PDS5A: variants seen among roughly 807,000 people sequenced by gnomAD.
PDS5A encodes PDS5 cohesin associated factor A.
PDS5A carries 42 observed loss-of-function variants against 167.1 expected under a neutral mutation model. The ratio of observed to expected loss-of-function variants is 0.25; its 90% CI spans 0.20 to 0.33. The LOEUF (loss-of-function observed/expected upper bound fraction) is 0.33. Ranked by LOEUF, PDS5A falls within the 10% of genes least tolerant of loss-of-function variation. The pLI, the probability that PDS5A is intolerant of heterozygous loss-of-function variation, is 1.00. For missense variants in PDS5A, 1,033 were observed against 1,605.9 expected (o/e 0.64, Z 6.10); for synonymous variants, 553 against 554.6 (o/e 1.00, Z 0.04).
intron 17 of PDS5A, 116 bp downstream of exon 17, chr4:39,890,133 A>ATTT (rs1348132141): frequency 1.0e-5 from 6 of 592,074 alleles, no homozygotes; most frequent in Non-Finnish European, 1.8e-5. Context: ...CAACCCTGTG[A>ATTT]TTAAAAAGAG....
intron 2 of PDS5A, among the ~76,000 whole-genome samples, chr4:39,964,567 G>A (rs901448890): frequency 5.9e-5 from 9 of 152,112 alleles, no homozygotes; most frequent in African/African-American, 1.9e-4. Flanking sequence ...TACATGGTGG[G>A]GTTTTGCGCC....
At chr4:39,971,861 T>TA (rs777200641) in intron 2 of PDS5A, among the ~76,000 whole-genome samples, 1 of 152,028 alleles carries the variant, frequency 6.6e-6, no homozygotes, top group Non-Finnish European at 1.5e-5. Context: ...AAGATTCTAA[T>TA]AAAAAAACAA....
At chr4:39,973,152 A>T (rs369839787) in intron 2 of PDS5A, 1 of 775,430 alleles carries the variant, frequency 1.3e-6, no homozygotes, top group African/African-American at 2.1e-5. Flanking sequence ...CACCAATGGC[A>T]CTGTTAACTG....
At chr4:39,967,475 G>A (rs1317926089) in intron 2 of PDS5A, among the ~76,000 whole-genome samples, 9 of 151,672 alleles carry the variant, frequency 5.9e-5, no homozygotes, top group Non-Finnish European at 7.4e-5. Flanking sequence ...GTGAAACCCC[G>A]TCTCTATTAA....
intron 2 of PDS5A, among the ~76,000 whole-genome samples, chr4:39,938,426 G>A (rs1165367942): frequency 4.0e-5 from 6 of 151,188 alleles, no homozygotes; most frequent in African/African-American, 1.2e-4. Context: ...GTGGTGGCAG[G>A]TGCCTGTAAT....
chr4:39,953,668 T>C (rs1728625095), intron 2 of PDS5A, among the ~76,000 whole-genome samples: 1 of 152,208 alleles, frequency 6.6e-6, no homozygotes, highest in African/African-American at 2.4e-5. Context: ...AAGTCAAGCC[T>C]GCAGTGAGCC....
rs775289479 is a variant in PDS5A at position 39,837,899 on chromosome 4, C to T, written c.3967G>A (p.Ala1323Thr). The T allele has an allele frequency of 6.2e-7, 1 of 1,612,224 alleles. No individual in the cohort carries two copies. The highest frequency in any genetic ancestry group is 1.1e-5 in the South Asian group (1 of 90,568). Residue 1323 changes from alanine to threonine, a missense_variant, in exon 32 of 33, where the codon GCC (alanine) becomes ACC (threonine). Transcript: ENST00000303538. Reference protein sequence around the residue: ...NAKAPKLQDLAKKAAPAERQI... With the variant: ...NAKAPKLQDLTKKAAPAERQI... ...CTTTCTGCTGGTGCTGCCTTTTTGG[C>T]TAAATCTTGCAGTTTGGGTGCTTTG...
At chr4:39,828,140 G>A (rs973421067) in intron 32 of PDS5A, among the ~76,000 whole-genome samples, 3 of 152,122 alleles carry the variant, frequency 2.0e-5, no homozygotes, top group African/African-American at 7.2e-5. Context: ...GTGAACTCAA[G>A]GAATTTTTGC....
At chr4:39,849,002 T>C in intron 27 of PDS5A, 32 bp from the exon 28 acceptor site, 1 of 1,436,518 alleles carries the variant, frequency 7.0e-7, no homozygotes, top group Non-Finnish European at 9.5e-7. Flanking sequence ...ATATAACTTT[T>C]AGTATTGCAA....
At chr4:39,836,810 CT>C (rs35685046) in intron 32 of PDS5A, among the ~76,000 whole-genome samples, 28,839 of 128,642 alleles carry the variant, frequency 0.22, 3,530 homozygotes, top group Middle Eastern at 0.34. Flanking sequence ...GCTTCAGTAA[CT>C]TTTTTTTTTT....
At chr4:39,976,708 T>C (rs924997149) in intron 1 of PDS5A, 91 bp from the exon 2 acceptor site, 1 of 621,844 alleles carries the variant, frequency 1.6e-6, no homozygotes, top group Non-Finnish European at 2.6e-6. Flanking sequence ...GAAAAGGCCC[T>C]GTCTCCCCAG....
rs71194933 is a variant in PDS5A at position 39,842,909 on chromosome 4, T to TTATATATATATATATATATATATATA, written c.3549-879_3549-854dup. 6.9e-3 allele frequency among the ~76,000 whole-genome samples: 637 copies of TTATATATATATATATATATATATATA among 92,098 alleles called. 27 individuals carry two copies. The highest frequency in any genetic ancestry group is 0.012 in the African/African-American group (211 of 18,146). The allele number at this position is 92,098 out of a possible 152,430, so 60.4% of individuals were successfully genotyped here. On this transcript the variant is annotated intron_variant, in intron 30 of 32. Coordinates refer to ENST00000303538, the MANE Select transcript of PDS5A (RefSeq NM_001100399.2). ...AGAACAATGTAAACTTATCCTATTT[T>TTATATATATATATATATATATATATA]TATATATATATATATATATATATAT...
chr4:39,890,411 T>G, intron 16 of PDS5A, 47 bp from the exon 17 acceptor site: 1 of 1,035,916 alleles, frequency 9.7e-7, no homozygotes, highest in Non-Finnish European at 1.4e-6. Context: ...TGCTTTCATA[T>G]TTTTGAAAAG....
chr4:39,937,411 T>A (rs2732053), intron 2 of PDS5A, among the ~76,000 whole-genome samples: 29,098 of 151,924 alleles, frequency 0.19, 3,291 homozygotes, highest in South Asian at 0.27. Flanking sequence ...CTATTAAAAA[T>A]TTTTTTTAAT....
chr4:39,863,801 C>T (rs537873823), intron 23 of PDS5A, among the ~76,000 whole-genome samples: 1 of 152,240 alleles, frequency 6.6e-6, no homozygotes, highest in African/African-American at 2.4e-5. Context: ...AGCTGTATCC[C>T]TCATTTTAAG....
chr4:39,873,061 T>G lies in PDS5A; in HGVS notation c.2361A>C (p.Ala787=). The change falls in exon 21 of 33, where the codon GCA becomes GCC. Residue 787 remains alanine (A), a synonymous_variant. Transcript: ENST00000303538. ...LVSLGHISML[A]PDQFASPMKS... is the part of the protein sequence containing the mutation. ...TCATTGGGGAAGCAAACTGATCTGG[T>G]GCTAACATAGAAATGTGGCCCAATG... 2 of 1,559,400 alleles carry G rather than the reference T, an allele frequency of 1.3e-6. No homozygotes were observed. The highest frequency in any genetic ancestry group is 1.7e-6 in the Non-Finnish European group (2 of 1,143,016).
intron 2 of PDS5A, among the ~76,000 whole-genome samples, chr4:39,958,787 T>G (rs556305121): frequency 6.6e-6 from 1 of 152,112 alleles, no homozygotes; most frequent in South Asian, 2.1e-4. Context: ...TTTTGTATTT[T>G]TGGTAGAGAT....
chr4:39,825,157 A>G lies in PDS5A; in HGVS notation c.*328T>C, dbSNP rs946435699. On this transcript the variant is annotated 3_prime_UTR_variant, in exon 33 of 33. Coordinates refer to ENST00000303538, the MANE Select transcript of PDS5A (RefSeq NM_001100399.2). ...GCAGCGTGGAAATTAATGGTGTATT[A>G]CGCATTTAAACTCCAGATAGGCAGG... 7.9e-6 allele frequency: 2 copies of G among 251,896 alleles called. No homozygotes were observed. Among genetic ancestry groups the G allele is most frequent in the African/African-American group, 4.4e-5 (2 of 44,976 alleles). 15.6% of individuals were successfully genotyped at this position (251,896 alleles called of 1,614,324 possible). A position where few individuals can be genotyped will look rare whatever the true frequency, so the allele number is the denominator to read the frequency against.
Position 39,837,952 on chromosome 4 carries a change from C to G in PDS5A, c.3914G>C (p.Ser1305Thr). 2 of 1,614,036 alleles carry G rather than the reference C, an allele frequency of 1.2e-6. No individual in the cohort carries two copies. The highest frequency in any genetic ancestry group is 2.2e-5 in the South Asian group (2 of 91,090). ...GRKRAAVGQE[S>T]PGGLEAGNAK... is the part of the protein sequence containing the mutation. ...ATTACCTGCTTCCAAACCCCCAGGG[C>G]TCTCCTGACCCACTGCAGCTCTCTT... The change falls in exon 32 of 33, where the codon AGC (serine) becomes ACC (threonine). Residue 1305 changes from serine to threonine, a missense_variant. By Grantham distance (58) the Ser-to-Thr change is moderately conservative. Transcript: ENST00000303538.
Sources: gnomAD v4.1 joint callset for allele counts (sites outside exome capture counted in the v4.1 genomes callset) on GRCh38, gnomAD v4.1.1 for gene constraint, MANE v1.5 for transcripts, NCBI Gene and HGNC (gene_info 2026-07-23, HGNC 2026-07-21) for gene names.